ORC3: variants seen among roughly 807,000 people sequenced by gnomAD.
The protein encoded by ORC3 is origin recognition complex subunit 3.
In ORC3, 78 loss-of-function variants were observed where a neutral mutation model predicts 100.7. The observed-to-expected ratio is 0.77, with a 90% CI of 0.65 to 0.94. The LOEUF is 0.94. ORC3 is among the 40% of genes least tolerant of loss of function. The pLI is 0.00. For missense variants in ORC3, 789 were observed against 823.9 expected (o/e 0.96, Z 0.52); for synonymous variants, 295 against 289.3 (o/e 1.02, Z -0.20).
rs1167972900 is a variant in ORC3, at chr6:87,602,976, T to C, written c.178-408T>C. Among the ~76,000 whole-genome samples the C allele has an allele frequency of 2.2e-5, 3 of 135,312 alleles. 1 individual carries two copies. The highest frequency in any genetic ancestry group is 8.5e-5 in the African/African-American group (3 of 35,198). The allele number at this position is 135,312 out of a possible 152,430, so 88.8% of individuals were successfully genotyped here. A position where few individuals can be genotyped will look rare whatever the true frequency, so the allele number is the denominator to read the frequency against. ...TATAATATATATATATATATACATA[T>C]ATATATACAATTTTTTTTTTTGAGA... On this transcript the variant is annotated intron_variant, in intron 3 of 19. Coordinates refer to ENST00000392844, the MANE Select transcript of ORC3 (RefSeq NM_012381.4).
chr6:87,601,917 T>A, intron 3 of ORC3, 36 bp downstream of exon 3: 1 of 1,168,364 alleles, frequency 8.6e-7, no homozygotes, highest in Non-Finnish European at 1.3e-6. Flanking sequence ...TGTAACACCC[T>A]AAGTCTCATT....
intron 11 of ORC3, among the ~76,000 whole-genome samples, chr6:87,630,972 G>A (rs1221391531): frequency 6.6e-6 from 1 of 151,998 alleles, no homozygotes; most frequent in Non-Finnish European, 1.5e-5. Flanking sequence ...CTGGGCTCAA[G>A]CAGTCTTCCT....
At chr6:87,609,006 T>C in intron 6 of ORC3, 90 bp from the exon 7 acceptor site, 1 of 1,054,090 alleles carries the variant, frequency 9.5e-7, no homozygotes, top group Non-Finnish European at 1.3e-6. Context: ...TTGTGAAATT[T>C]AAAGAGAGAT....
At chr6:87,648,671 C>T (rs1344340019) in intron 13 of ORC3, among the ~76,000 whole-genome samples, 1 of 144,942 alleles carries the variant, frequency 6.9e-6, no homozygotes, top group Non-Finnish European at 1.5e-5. Flanking sequence ...ATAGTATTTA[C>T]ATTGTATTGT....
At chr6:87,641,745 A>AAAAAT (rs1271599883) in intron 13 of ORC3, among the ~76,000 whole-genome samples, 1 of 152,240 alleles carries the variant, frequency 6.6e-6, no homozygotes, top group Non-Finnish European at 1.5e-5. Context: ...CATTGAGTAA[A>AAAAAT]AAAATAAAAT....
rs778108733 is a variant in ORC3, at chr6:87,609,235, T to C, written c.713+6T>C. Reference sequence around the variant, plus strand: ...GACTTCATAATTATCAGCAGGTAGATGGTGTATTACCTGGCTTTTATGAAA... The same window carrying C: ...GACTTCATAATTATCAGCAGGTAGACGGTGTATTACCTGGCTTTTATGAAA... On this transcript the variant is annotated splice_donor_region_variant and intron_variant, in intron 7 of 19. Coordinates refer to ENST00000392844, the MANE Select transcript of ORC3 (RefSeq NM_012381.4). 1 of 1,581,646 alleles carries C rather than the reference T, an allele frequency of 6.3e-7. No individual in the cohort carries two copies. Among genetic ancestry groups the C allele is most frequent in the South Asian group, 1.2e-5 (1 of 84,914 alleles).
intron 11 of ORC3, among the ~76,000 whole-genome samples, chr6:87,628,483 C>T (rs569999798): frequency 2.6e-5 from 4 of 152,198 alleles, no homozygotes; most frequent in Admixed American, 6.5e-5. Flanking sequence ...AGATTCATTC[C>T]CTTGCAGGTG....
intron 13 of ORC3, among the ~76,000 whole-genome samples, chr6:87,649,395 A>C (rs1464364193): frequency 2.6e-5 from 4 of 152,204 alleles, no homozygotes; most frequent in Non-Finnish European, 5.9e-5. Context: ...AAGTGTACAC[A>C]CATTGTTCCT....
chr6:87,670,192 A>G (rs989669975), downstream of ORC3, among the ~76,000 whole-genome samples: 2 of 152,118 alleles, frequency 1.3e-5, no homozygotes, highest in African/African-American at 2.4e-5. Flanking sequence ...CTTTTTCGAG[A>G]CAGAATTTCA....
chr6:87,592,698 A>G (rs770491953), intron 1 of ORC3, among the ~76,000 whole-genome samples: 19 of 152,238 alleles, frequency 1.2e-4, no homozygotes, highest in Non-Finnish European at 2.4e-4. Context: ...TGGCTACTTT[A>G]TAGTTGCACA....
At chr6:87,633,192 G>GT (rs1378121921) in intron 11 of ORC3, among the ~76,000 whole-genome samples, 1 of 152,202 alleles carries the variant, frequency 6.6e-6, no homozygotes, top group East Asian at 1.9e-4. Flanking sequence ...TGATTACTCA[G>GT]TAATAGAGTT....
At chr6:87,631,556 G>C (rs544808891) in intron 11 of ORC3, among the ~76,000 whole-genome samples, 1 of 151,978 alleles carries the variant, frequency 6.6e-6, no homozygotes, top group Non-Finnish European at 1.5e-5. Flanking sequence ...GCAACAGCGC[G>C]ATCTTGGCTC....
At chr6:87,663,227 T>C (rs28381540) in intron 17 of ORC3, 83 bp downstream of exon 17, 4 of 1,089,672 alleles carry the variant, frequency 3.7e-6, no homozygotes, top group African/African-American at 1.5e-5. Context: ...TTTGCAGTTA[T>C]GTTTTAATGA....
At chr6:87,608,354 A>G (rs1778498388) in intron 6 of ORC3, among the ~76,000 whole-genome samples, 1 of 152,204 alleles carries the variant, frequency 6.6e-6, no homozygotes, top group Non-Finnish European at 1.5e-5. Flanking sequence ...CCATTCTACC[A>G]TGACAGTCTG....
chr6:87,603,563 C>G, intron 4 of ORC3, 35 bp downstream of exon 4: 1 of 1,365,674 alleles, frequency 7.3e-7, no homozygotes, highest in Non-Finnish European at 9.8e-7. Context: ...GCATGCATCT[C>G]TGTGTATTTC....
At chr6:87,590,962 C>T (rs1467100818) in intron 1 of ORC3, among the ~76,000 whole-genome samples, 5 of 152,142 alleles carry the variant, frequency 3.3e-5, no homozygotes, top group Non-Finnish European at 5.9e-5. Flanking sequence ...AATTGCAAGA[C>T]ATAGTGTAGT....
chr6:87,618,416 C>CAA (rs10687033), intron 9 of ORC3, among the ~76,000 whole-genome samples: 74,618 of 140,266 alleles, frequency 0.53, 19,432 homozygotes, highest in Admixed American at 0.61. Context: ...GGCTCCATCT[C>CAA]AAAAAAAAAA....
chr6:87,662,110 T>C (rs1380299833), intron 16 of ORC3, among the ~76,000 whole-genome samples: 2 of 152,148 alleles, frequency 1.3e-5, no homozygotes, highest in Non-Finnish European at 2.9e-5. Flanking sequence ...CCTTCTAACG[T>C]AATAAGTAAT....
Position 87,616,432 on chromosome 6 carries a change from G to T in ORC3, c.987+5G>T. ...AACTTTATAAAAGGACTTCAGGTAA[G>T]AACACAGTAATGGGTTTGAAAATTC... is the stretch of plus-strand genomic sequence containing the variant. On this transcript the variant is annotated splice_donor_5th_base_variant and intron_variant, in intron 9 of 19. Coordinates refer to ENST00000392844, the MANE Select transcript of ORC3 (RefSeq NM_012381.4). 1 of 1,138,438 alleles carries T rather than the reference G, an allele frequency of 8.8e-7. No homozygotes were observed. The highest frequency in any genetic ancestry group is 1.2e-5 in the South Asian group (1 of 80,328). 70.5% of individuals were successfully genotyped at this position (1,138,438 alleles called of 1,614,324 possible).
Sources: gnomAD v4.1 joint callset for allele counts (sites outside exome capture counted in the v4.1 genomes callset) on GRCh38, gnomAD v4.1.1 for gene constraint, MANE v1.5 for transcripts, NCBI Gene and HGNC (gene_info 2026-07-23, HGNC 2026-07-21) for gene names.